ANO2: variants seen among roughly 807,000 people sequenced by gnomAD.
The protein encoded by ANO2 is anoctamin 2.
In ANO2, 101 loss-of-function variants were observed where a neutral mutation model predicts 124.2. The ratio of observed to expected loss-of-function variants is 0.81; its 90% CI spans 0.69 to 0.96. The LOEUF (loss-of-function observed/expected upper bound fraction) is 0.96. ANO2 is among the 40% of genes least tolerant of loss of function. The pLI is 0.00. For synonymous variants in ANO2, 486 were observed against 482.5 expected (o/e 1.01, Z -0.09); for missense variants, 1,293 against 1,274.5 (o/e 1.01, Z -0.22).
chr12:5,742,389 T>C (rs1951123777), intron 12 of ANO2, among the ~76,000 whole-genome samples: 1 of 152,026 alleles, frequency 6.6e-6, no homozygotes, highest in African/African-American at 2.4e-5. Context: ...CAAAACCAAA[T>C]CCTACCCTAT....
In ANO2 at chr12:5,854,134, C is replaced by T. The variant is rs188188562; in HGVS notation, c.542G>A (p.Ser181Asn). Residue 181 changes from serine (S) to asparagine (N), a missense_variant, in exon 4 of 25, where the codon AGC (serine) becomes AAC (asparagine). By Grantham distance (46) the Ser-to-Asn change is conservative (BLOSUM62 1). Transcript: ENST00000682330. ...LELEKDLENK[S>N]QGSIFVRIHA... Reference sequence around the variant, plus strand: ...TATCCGGACAAAGATGGATCCCTGGCTTTTATTCTGCAAGGTACAAAGAAA... The same window carrying T: ...TATCCGGACAAAGATGGATCCCTGGTTTTTATTCTGCAAGGTACAAAGAAA... 1,064 of 1,612,988 alleles carry T rather than the reference C, an allele frequency of 6.6e-4. 4 individuals are homozygous for T. The African/African-American group carries it at 0.012, about 18-fold the overall frequency.
At chr12:5,678,559 T>C (rs1353369612) in intron 14 of ANO2, among the ~76,000 whole-genome samples, 1 of 152,210 alleles carries the variant, frequency 6.6e-6, no homozygotes, top group African/African-American at 2.4e-5. Flanking sequence ...TTCAAAATTT[T>C]CCAAGGGATT....
chr12:5,755,045 A>G (rs1381004156), intron 10 of ANO2, among the ~76,000 whole-genome samples: 1 of 152,090 alleles, frequency 6.6e-6, no homozygotes, highest in Non-Finnish European at 1.5e-5. Context: ...ATTTACCACT[A>G]TAAACTTCCT....
intron 23 of ANO2, among the ~76,000 whole-genome samples, chr12:5,569,345 C>G (rs1941966162): frequency 1.4e-5 from 1 of 70,458 alleles, no homozygotes. Context: ...CAGACTCCTG[C>G]AGCTGCCAGC....
At chr12:5,873,135 G>T (rs1175387616) in intron 3 of ANO2, among the ~76,000 whole-genome samples, 1 of 151,858 alleles carries the variant, frequency 6.6e-6, no homozygotes, top group East Asian at 1.9e-4. Context: ...AAGACGGAGT[G>T]AGGGCTGAGC....
intron 10 of ANO2, among the ~76,000 whole-genome samples, chr12:5,798,741 G>C (rs572770866): frequency 2.6e-5 from 4 of 152,198 alleles, no homozygotes; most frequent in African/African-American, 9.6e-5. Context: ...ATTGGGGCTT[G>C]CCCAAAGAAA....
intron 16 of ANO2, 64 bp from the exon 17 acceptor site, chr12:5,615,361 C>A: frequency 8.0e-7 from 1 of 1,254,604 alleles, no homozygotes; most frequent in Non-Finnish European, 1.1e-6. Context: ...AGAGTTTTGA[C>A]CTAGACATGA....
chr12:5,724,239 GTTTC>G (rs376083859), intron 14 of ANO2, among the ~76,000 whole-genome samples: 28 of 152,154 alleles, frequency 1.8e-4, no homozygotes, highest in African/African-American at 6.7e-4. Flanking sequence ...GTGCCTCAGT[GTTTC>G]CCTTTGCCAA....
chr12:5,920,061 ATGGATGGATGGATGG>A (rs1941609594), intron 3 of ANO2, among the ~76,000 whole-genome samples: 2 of 148,780 alleles, frequency 1.3e-5, no homozygotes, highest in East Asian at 4.0e-4. Context: ...GGATGGATGG[ATGGATGGATGGATGG>A]ATGGATGCAT....
chr12:5,882,151 G>C (rs1010382050), intron 3 of ANO2, among the ~76,000 whole-genome samples: 1 of 152,152 alleles, frequency 6.6e-6, no homozygotes, highest in East Asian at 1.9e-4. Flanking sequence ...AGCATTTCTA[G>C]GTTCACACTG....
intron 3 of ANO2, among the ~76,000 whole-genome samples, chr12:5,864,099 T>C (rs1206531996): frequency 6.6e-6 from 1 of 152,100 alleles, no homozygotes; most frequent in Non-Finnish European, 1.5e-5. Flanking sequence ...CACATGTCCT[T>C]GACCCCTGTG....
chr12:5,853,894 C>CCA (rs1485210171), intron 4 of ANO2, 149 bp downstream of exon 4: 3 of 134,288 alleles, frequency 2.2e-5, no homozygotes, highest in Non-Finnish European at 4.8e-5. Flanking sequence ...TCCCCACCCC[C>CCA]CACCCCCCAC....
At position 5,889,874 on chromosome 12, in the gene ANO2, C is replaced by T. The variant is rs114940031; in HGVS notation, c.534+31166G>A. On this transcript the variant is annotated intron_variant, in intron 3 of 24. Coordinates refer to ENST00000682330, the MANE Select transcript of ANO2 (RefSeq NM_001364791.2). Reference sequence around the variant, plus strand: ...AGACCCTTTACCACCTCCTGGTGGCCTGGAGGACTCATGTGAGTTGCACAA... The same window carrying T: ...AGACCCTTTACCACCTCCTGGTGGCTTGGAGGACTCATGTGAGTTGCACAA... Among the ~76,000 whole-genome samples the T allele has an allele frequency of 5.4e-3, 826 of 152,328 alleles. 6 individuals carry two copies. Among genetic ancestry groups the T allele is most frequent in the African/African-American group, 0.019 (802 of 41,578 alleles).
chr12:5,722,407 T>C (rs1445597944), intron 14 of ANO2, among the ~76,000 whole-genome samples: 1 of 152,124 alleles, frequency 6.6e-6, no homozygotes, highest in Non-Finnish European at 1.5e-5. Flanking sequence ...CTCAGGAGGC[T>C]GAGGCAGGAG....
intron 14 of ANO2, among the ~76,000 whole-genome samples, chr12:5,676,908 A>G (rs1948271508): frequency 6.6e-6 from 1 of 151,948 alleles, no homozygotes; most frequent in Non-Finnish European, 1.5e-5. Context: ...ACAAAAATTA[A>G]CCAGGCGTGG....
chr12:5,640,882 C>T (rs573531708), intron 15 of ANO2, among the ~76,000 whole-genome samples: 3 of 152,074 alleles, frequency 2.0e-5, no homozygotes, highest in Non-Finnish European at 2.9e-5. Flanking sequence ...GGGTACATAC[C>T]CAAAGGATTA....
intron 14 of ANO2, among the ~76,000 whole-genome samples, chr12:5,691,587 G>A (rs1948946068): frequency 6.6e-6 from 1 of 151,978 alleles, no homozygotes. Flanking sequence ...GATATGCACT[G>A]GTGTGTGGGA....
intron 23 of ANO2, 76 bp from the exon 24 acceptor site, chr12:5,565,739 G>A (rs1941711320): frequency 1.3e-5 from 16 of 1,232,120 alleles, no homozygotes; most frequent in Admixed American, 2.5e-5. Flanking sequence ...GTGAAACCTC[G>A]AGGGCTGGCT....
intron 14 of ANO2, among the ~76,000 whole-genome samples, chr12:5,687,333 C>G (rs1462586599): frequency 6.6e-6 from 1 of 152,226 alleles, no homozygotes; most frequent in Admixed American, 6.5e-5. Context: ...TACGAATGAA[C>G]GCCCTGCAGT....
Sources: gnomAD v4.1 joint callset for allele counts (sites outside exome capture counted in the v4.1 genomes callset) on GRCh38, gnomAD v4.1.1 for gene constraint, MANE v1.5 for transcripts, NCBI Gene and HGNC (gene_info 2026-07-23, HGNC 2026-07-21) for gene names.